KCNH7: variants seen among roughly 807,000 people sequenced by gnomAD.
The protein encoded by KCNH7 is voltage-gated inwardly rectifying potassium channel KCNH7.
In KCNH7, 49 loss-of-function variants were observed where a neutral mutation model predicts 120.8. The observed-to-expected ratio is 0.41, with a 90% confidence interval of 0.32 to 0.51. The LOEUF is 0.51. Among genes scored for constraint, KCNH7 ranks in the 20% least tolerant of loss-of-function variants. The pLI is 0.38. For synonymous variants in KCNH7, 547 were observed against 516.1 expected, an observed-to-expected ratio of 1.06 and a Z score of -0.81; for missense variants, 1,097 against 1,446.6, an observed-to-expected ratio of 0.76 and a Z score of 3.92.
intron 9 of KCNH7, among the ~76,000 whole-genome samples, chr2:162,413,761 G>A (rs1687461029): frequency 6.6e-6 from 1 of 151,436 alleles, no homozygotes; most frequent in South Asian, 2.1e-4. Context: ...AATAAAAGTT[G>A]ACCAATTAGA....
chr2:162,816,974 T>C (rs1684936451), intron 2 of KCNH7, among the ~76,000 whole-genome samples: 1 of 152,178 alleles, frequency 6.6e-6, no homozygotes, highest in Non-Finnish European at 1.5e-5. Flanking sequence ...TTCAAGAATG[T>C]ATTTTCCTTT....
intron 2 of KCNH7, among the ~76,000 whole-genome samples, chr2:162,826,098 C>T (rs557295798): frequency 2.7e-4 from 41 of 152,092 alleles, no homozygotes; most frequent in Non-Finnish European, 5.7e-4. Flanking sequence ...CTTCTGATAT[C>T]ATACAGGCCT....
rs562141923 is a variant in KCNH7 at position 162,820,004 on chromosome 2, T to C, written c.307+16533A>G. On this transcript the variant is annotated intron_variant, in intron 2 of 15. Coordinates refer to ENST00000332142, the MANE Select transcript of KCNH7 (RefSeq NM_033272.4). Reference sequence around the variant, plus strand: ...CACATTACATAAATTCTACAGTGTGTTTGTTCGGGTATTTCTTTATTCCAT... The same window carrying C: ...CACATTACATAAATTCTACAGTGTGCTTGTTCGGGTATTTCTTTATTCCAT... Among the ~76,000 whole-genome samples, 12 of 151,774 alleles carry C rather than the reference T, an allele frequency of 7.9e-5. No homozygotes were observed. The East Asian group carries it at 2.1e-3, about 27-fold the overall frequency.
chr2:162,500,222 TATA>T (rs980413709), intron 6 of KCNH7, among the ~76,000 whole-genome samples: 18 of 148,030 alleles, frequency 1.2e-4, no homozygotes, highest in African/African-American at 4.4e-4. Flanking sequence ...CAATATAATA[TATA>T]ATATGTATGT....
chr2:162,664,024 A>C (rs1340462726), intron 2 of KCNH7, among the ~76,000 whole-genome samples: 1 of 152,116 alleles, frequency 6.6e-6, no homozygotes, highest in Non-Finnish European at 1.5e-5. Flanking sequence ...TGCCAATGCT[A>C]TAGTCTGCAT....
At chr2:162,711,575 A>G (rs989954064) in intron 2 of KCNH7, among the ~76,000 whole-genome samples, 15 of 152,244 alleles carry the variant, frequency 9.9e-5, no homozygotes, top group Non-Finnish European at 2.9e-5. Context: ...CATTATAAGA[A>G]TAACTTTGAG....
At chr2:162,526,941 G>T (rs1465176405) in intron 3 of KCNH7, among the ~76,000 whole-genome samples, 1 of 152,028 alleles carries the variant, frequency 6.6e-6, no homozygotes, top group East Asian at 1.9e-4. Context: ...ACAGGCGTAA[G>T]AAATTATAAA....
chr2:162,378,897 T>A (rs180962381), intron 14 of KCNH7, among the ~76,000 whole-genome samples: 41 of 152,330 alleles, frequency 2.7e-4, no homozygotes, highest in Admixed American at 2.5e-3. Flanking sequence ...AGGAGATTAT[T>A]TTTGTCTGCA....
At chr2:162,540,208 AAGC>A (rs113643644) in intron 2 of KCNH7, among the ~76,000 whole-genome samples, 25,062 of 151,740 alleles carry the variant, frequency 0.17, 3,518 homozygotes, top group African/African-American at 0.38. Flanking sequence ...GTTTGTTAAG[AAGC>A]AGATTATTTA....
chr2:162,415,385 A>G (rs184736927), intron 9 of KCNH7, among the ~76,000 whole-genome samples: 1 of 151,332 alleles, frequency 6.6e-6, no homozygotes, highest in Admixed American at 6.6e-5. Context: ...TCAGGCTATG[A>G]TAAGTCTGTA....
chr2:162,709,990 C>T (rs1005370735), intron 2 of KCNH7, among the ~76,000 whole-genome samples: 10 of 152,024 alleles, frequency 6.6e-5, no homozygotes, highest in African/African-American at 2.4e-4. Context: ...GGGAACCCAC[C>T]CTTCTGCACA....
intron 2 of KCNH7, among the ~76,000 whole-genome samples, chr2:162,593,395 A>T (rs1388101208): frequency 1.3e-5 from 2 of 152,060 alleles, no homozygotes; most frequent in African/African-American, 4.8e-5. Flanking sequence ...AGGGATATTA[A>T]ACACTTCCAA....
At chr2:162,760,593 G>A (rs781203700) in intron 2 of KCNH7, among the ~76,000 whole-genome samples, 6 of 151,868 alleles carry the variant, frequency 4.0e-5, no homozygotes, top group Non-Finnish European at 8.8e-5. Flanking sequence ...AACATTAATG[G>A]TCCCCTTCTC....
intron 2 of KCNH7, among the ~76,000 whole-genome samples, chr2:162,590,155 A>C (rs1574141133): frequency 6.6e-6 from 1 of 152,056 alleles, no homozygotes; most frequent in African/African-American, 2.4e-5. Context: ...GCTGGAAAAT[A>C]ATTGGTTTTT....
intron 2 of KCNH7, among the ~76,000 whole-genome samples, chr2:162,804,396 A>T (rs1684458250): frequency 6.6e-6 from 1 of 151,998 alleles, no homozygotes; most frequent in Non-Finnish European, 1.5e-5. Flanking sequence ...TAAAAAAATC[A>T]ATATACACAA....
chr2:162,702,344 C>T (rs10930065), intron 2 of KCNH7, among the ~76,000 whole-genome samples: 11,724 of 152,018 alleles, frequency 0.077, 880 homozygotes, highest in African/African-American at 0.19. Flanking sequence ...CACAGATAAA[C>T]CACAGTAGTA....
chr2:162,490,191 A>G (rs772124259), intron 6 of KCNH7, among the ~76,000 whole-genome samples: 9 of 152,234 alleles, frequency 5.9e-5, no homozygotes, highest in Non-Finnish European at 1.2e-4. Context: ...GCACAGGAAG[A>G]TTGCCCAAAC....
chr2:162,390,799 G>GA (rs1205197940), intron 12 of KCNH7, among the ~76,000 whole-genome samples: 1 of 151,360 alleles, frequency 6.6e-6, no homozygotes. Context: ...TTTTTCCTTA[G>GA]AAAAAAAATG....
chr2:162,776,760 G>T (rs1683256865), intron 2 of KCNH7, among the ~76,000 whole-genome samples: 1 of 152,018 alleles, frequency 6.6e-6, no homozygotes, highest in Non-Finnish European at 1.5e-5. Context: ...TATAATATCT[G>T]CTCTTCTCCC....
Sources: gnomAD v4.1 joint callset for allele counts (sites outside exome capture counted in the v4.1 genomes callset) on GRCh38, gnomAD v4.1.1 for gene constraint, MANE v1.5 for transcripts, NCBI Gene and HGNC (gene_info 2026-07-23, HGNC 2026-07-21) for gene names.